Variants in TLK1 observed in about 807,000 individuals in gnomAD.
The protein encoded by TLK1 is serine/threonine-protein kinase tousled-like 1.
A neutral mutation model predicts 105.3 loss-of-function variants in TLK1; 24 were observed. The ratio of observed to expected loss-of-function variants is 0.23; its 90% CI spans 0.17 to 0.32. The LOEUF (loss-of-function observed/expected upper bound fraction) is 0.32. TLK1 is among the 10% of genes least tolerant of loss of function. The pLI, the probability that TLK1 is intolerant of heterozygous loss-of-function variation, is 1.00. For missense variants in TLK1, 558 were observed against 910.5 expected, an observed-to-expected ratio of 0.61 and a Z score of 4.98; for synonymous variants, 321 against 310.4, an observed-to-expected ratio of 1.03 and a Z score of -0.36.
At chr2:171,043,650 C>A (rs760803075) in intron 11 of TLK1, among the ~76,000 whole-genome samples, 2 of 152,074 alleles carry the variant, frequency 1.3e-5, no homozygotes, top group African/African-American at 4.8e-5. Context: ...ATGGTGTTAG[C>A]GGGAACTTGC....
At chr2:171,159,896 G>A (rs1163399411) in intron 1 of TLK1, 1 of 168,486 alleles carries the variant, frequency 5.9e-6, no homozygotes, top group Non-Finnish European at 1.3e-5. Flanking sequence ...GCTCCAGCGG[G>A]AGGGAAAACC....
intron 1 of TLK1, among the ~76,000 whole-genome samples, chr2:171,128,517 A>G (rs1039561866): frequency 1.1e-4 from 17 of 152,354 alleles, no homozygotes; most frequent in Non-Finnish European, 1.6e-4. Context: ...ATGCTAAAAT[A>G]TAAGTGCTCA....
chr2:170,995,885 T>TA (rs749419436), intron 20 of TLK1, among the ~76,000 whole-genome samples: 26 of 152,160 alleles, frequency 1.7e-4, no homozygotes, highest in Non-Finnish European at 3.7e-4. Flanking sequence ...GTATTTTTAG[T>TA]AGAGATGGGG....
At chr2:171,096,713 G>C (rs1689468249) in intron 2 of TLK1, among the ~76,000 whole-genome samples, 1 of 149,256 alleles carries the variant, frequency 6.7e-6, no homozygotes, top group African/African-American at 2.5e-5. Flanking sequence ...AACCAAGATG[G>C]CACCACTGCA....
chr2:171,062,430 A>G (rs1275919987), intron 3 of TLK1, among the ~76,000 whole-genome samples: 1 of 152,204 alleles, frequency 6.6e-6, no homozygotes, highest in Non-Finnish European at 1.5e-5. Flanking sequence ...TTGAACACAT[A>G]TTGTTCCTCT....
chr2:171,141,948 A>G (rs913838889), intron 1 of TLK1, among the ~76,000 whole-genome samples: 6 of 152,196 alleles, frequency 3.9e-5, no homozygotes, highest in African/African-American at 1.2e-4. Flanking sequence ...ACTAATGGTA[A>G]TATCTTGTGG....
chr2:171,106,299 C>T (rs764522644), intron 2 of TLK1, among the ~76,000 whole-genome samples: 1 of 152,120 alleles, frequency 6.6e-6, no homozygotes, highest in Non-Finnish European at 1.5e-5. Context: ...TAATTAACAA[C>T]AATTTATTGT....
At chr2:171,109,117 A>T (rs1384384118) in intron 2 of TLK1, among the ~76,000 whole-genome samples, 2 of 152,228 alleles carry the variant, frequency 1.3e-5, no homozygotes, top group Non-Finnish European at 2.9e-5. Flanking sequence ...ATTTTAATAC[A>T]TCTCTCTCAG....
intron 3 of TLK1, among the ~76,000 whole-genome samples, chr2:171,062,115 G>A (rs1036469072): frequency 2.6e-5 from 4 of 152,146 alleles, no homozygotes; most frequent in African/African-American, 9.7e-5. Context: ...AATTTTTCTG[G>A]AGTTTGACAA....
At chr2:171,198,156 T>G (rs1693311984) in intron 1 of TLK1, among the ~76,000 whole-genome samples, 1 of 152,168 alleles carries the variant, frequency 6.6e-6, no homozygotes, top group Non-Finnish European at 1.5e-5. Flanking sequence ...TCATCTACGT[T>G]CTATAGTTAC....
intron 1 of TLK1, among the ~76,000 whole-genome samples, chr2:171,185,932 C>CTAAGTGCTTTTCATAA (rs1217953718): frequency 1.3e-5 from 2 of 152,148 alleles, no homozygotes; most frequent in Non-Finnish European, 2.9e-5. Context: ...AAAACCTGAA[C>CTAAGTGCTTTTCATAA]TAAGTGCTTT....
At chr2:171,149,924 AAAAG>A (rs1011858797) in intron 1 of TLK1, among the ~76,000 whole-genome samples, 23 of 152,152 alleles carry the variant, frequency 1.5e-4, no homozygotes, top group Admixed American at 3.3e-4. Context: ...AGGAAAAAGA[AAAAG>A]AAAGAAAGAA....
In TLK1 at chr2:171,056,583, G is replaced by A; in HGVS notation, c.454-17C>T. On this transcript the variant is annotated splice_polypyrimidine_tract_variant and intron_variant, in intron 5 of 20. Transcript: ENST00000431350. ...ACCCTGGTACTGAGTAAAAGAAAAA[G>A]GAAGCATTATTATTTACTAAAGCAG... 6.3e-7 allele frequency: 1 copy of A among 1,597,374 alleles called. No homozygotes were observed. Among genetic ancestry groups the A allele is most frequent in the Non-Finnish European group, 8.6e-7 (1 of 1,166,806 alleles).
At chr2:171,196,332 G>T (rs1223551033) in intron 1 of TLK1, among the ~76,000 whole-genome samples, 1 of 152,084 alleles carries the variant, frequency 6.6e-6, no homozygotes, top group Non-Finnish European at 1.5e-5. Flanking sequence ...GGCCAGGCTG[G>T]TCTCAAACTC....
intron 2 of TLK1, among the ~76,000 whole-genome samples, chr2:171,096,443 G>T (rs9711629): frequency 7.9e-5 from 12 of 152,156 alleles, no homozygotes; most frequent in African/African-American, 2.9e-4. Context: ...ATTTACAATA[G>T]CATAAAAAAA....
chr2:171,053,073 T>A (rs1328094089), intron 8 of TLK1, among the ~76,000 whole-genome samples: 3 of 152,214 alleles, frequency 2.0e-5, no homozygotes, highest in African/African-American at 7.2e-5. Flanking sequence ...TTAAGTATAC[T>A]TCTAGATGTA....
intron 2 of TLK1, among the ~76,000 whole-genome samples, chr2:171,106,149 C>T (rs1172042109): frequency 6.6e-6 from 1 of 152,092 alleles, no homozygotes; most frequent in African/African-American, 2.4e-5. Flanking sequence ...ACCAAAAAGG[C>T]TGATCTTGTA....
At chr2:171,031,081 A>G (rs977413499) in intron 11 of TLK1, among the ~76,000 whole-genome samples, 1 of 151,988 alleles carries the variant, frequency 6.6e-6, no homozygotes. Context: ...ACATATATAT[A>G]ATTTTGGGAT....
intron 19 of TLK1, among the ~76,000 whole-genome samples, 192 bp downstream of exon 19, chr2:170,997,520 T>C (rs1684123267): frequency 6.6e-6 from 1 of 152,162 alleles, no homozygotes; most frequent in Admixed American, 6.5e-5. Flanking sequence ...AAGCAAAAAG[T>C]AGGTCAAGTA....
Sources: allele counts gnomAD v4.1 joint callset (sites outside exome capture counted in the v4.1 genomes callset), GRCh38; gene constraint gnomAD v4.1.1; transcripts MANE v1.5; gene names NCBI Gene and HGNC (gene_info 2026-07-23, HGNC 2026-07-21).